TLK1: variants seen among roughly 807,000 people sequenced by gnomAD.
TLK1 encodes the protein tousled like kinase 1.
Under a neutral mutation model 105.3 loss-of-function variants are expected in TLK1, and 24 were observed. The ratio of observed to expected loss-of-function variants is 0.23; its 90% CI spans 0.17 to 0.32. The LOEUF (loss-of-function observed/expected upper bound fraction) is 0.32. Among genes scored for constraint, TLK1 ranks in the 10% least tolerant of loss-of-function variants. The probability of loss-of-function intolerance (pLI) is 1.00; values close to 1 mark genes in which losing one functional copy is unlikely to be tolerated. For missense variants in TLK1, 558 were observed against 910.5 expected (o/e 0.61, Z 4.98); for synonymous variants, 321 against 310.4 (o/e 1.03, Z -0.36).
At chr2:171,164,941 T>G (rs1286071283), upstream of TLK1, among the ~76,000 whole-genome samples, 3 of 151,912 alleles carry the variant, frequency 2.0e-5, no homozygotes, top group East Asian at 5.8e-4. Flanking sequence ...GGCAACAGAG[T>G]GAGACCCCAC....
chr2:171,048,068 C>T (rs772741731), intron 10 of TLK1, among the ~76,000 whole-genome samples: 23 of 152,202 alleles, frequency 1.5e-4, no homozygotes, highest in Non-Finnish European at 2.5e-4. Context: ...CGTGCCTCAG[C>T]CTCCCGAGTA....
chr2:171,126,797 G>C (rs1467936074), intron 1 of TLK1, among the ~76,000 whole-genome samples: 4 of 151,330 alleles, frequency 2.6e-5, no homozygotes, highest in African/African-American at 9.7e-5. Context: ...CTGATTTATA[G>C]AGAACAGTTA....
chr2:171,155,628 T>C (rs1256814384), intron 1 of TLK1: 1 of 152,196 alleles, frequency 6.6e-6, no homozygotes, highest in East Asian at 1.9e-4. Context: ...ACTAATCCAA[T>C]AGCACTCATC....
At chr2:171,034,727 G>C (rs1407166323) in intron 11 of TLK1, among the ~76,000 whole-genome samples, 1 of 152,040 alleles carries the variant, frequency 6.6e-6, no homozygotes, top group African/African-American at 2.4e-5. Flanking sequence ...ATGGTTATTC[G>C]TATGTTACAT....
chr2:171,221,585 G>A (rs534467501), intron 1 of TLK1, among the ~76,000 whole-genome samples: 2 of 152,086 alleles, frequency 1.3e-5, no homozygotes, highest in Non-Finnish European at 2.9e-5. Context: ...CTTCCTCTTC[G>A]TGGCTGATGC....
chr2:171,051,903 T>C (rs1423504231), intron 8 of TLK1, among the ~76,000 whole-genome samples: 3 of 152,128 alleles, frequency 2.0e-5, no homozygotes, highest in Admixed American at 6.5e-5. Context: ...TGGTTATCCA[T>C]ATAGAAAGAA....
intron 11 of TLK1, among the ~76,000 whole-genome samples, chr2:171,044,484 C>A (rs1558903908): frequency 6.6e-6 from 1 of 152,056 alleles, no homozygotes; most frequent in Non-Finnish European, 1.5e-5. Flanking sequence ...ATTAGAAGTT[C>A]CTGTGAGACA....
chr2:171,187,533 AATGTCAG>A (rs1362987019), intron 1 of TLK1, among the ~76,000 whole-genome samples: 1 of 152,218 alleles, frequency 6.6e-6, no homozygotes, highest in Non-Finnish European at 1.5e-5. Flanking sequence ...TTAAGGGAAG[AATGTCAG>A]ATGCCATGAG....
intron 1 of TLK1, among the ~76,000 whole-genome samples, chr2:171,171,675 CACAAAAAAGAATAACCAAAT>C (rs1427999721): frequency 2.6e-5 from 4 of 151,522 alleles, no homozygotes; most frequent in Non-Finnish European, 5.9e-5. Context: ...ACAGTTGCTT[CACAAAAAAGAATAACCAAAT>C]GCAAAAAAAA....
chr2:171,206,776 A>G (rs1473909848), intron 1 of TLK1, among the ~76,000 whole-genome samples: 1 of 152,260 alleles, frequency 6.6e-6, no homozygotes, highest in African/African-American at 2.4e-5. Context: ...AGATCTACAG[A>G]TGGCAAATAA....
intron 2 of TLK1, among the ~76,000 whole-genome samples, chr2:171,101,857 A>G (rs772000645): frequency 2.6e-5 from 4 of 152,244 alleles, no homozygotes; most frequent in Non-Finnish European, 4.4e-5. Context: ...ACACAGGCAC[A>G]TAAGAGGAAT....
chr2:171,151,508 T>C (rs1692035857), intron 1 of TLK1, among the ~76,000 whole-genome samples: 1 of 145,996 alleles, frequency 6.8e-6, no homozygotes, highest in Non-Finnish European at 1.5e-5. Context: ...GGAGTCTTGC[T>C]CTGTCGCCCA....
intron 10 of TLK1, among the ~76,000 whole-genome samples, chr2:171,049,445 T>C (rs978325633): frequency 5.3e-5 from 8 of 152,002 alleles, no homozygotes; most frequent in African/African-American, 1.4e-4. Flanking sequence ...CATGTAAGGA[T>C]TGGGGAATGG....
At chr2:171,113,934 A>C (rs998124834) in intron 2 of TLK1, among the ~76,000 whole-genome samples, 1 of 152,202 alleles carries the variant, frequency 6.6e-6, no homozygotes, top group African/African-American at 2.4e-5. Flanking sequence ...AACTATTTGT[A>C]AAGACTGATA....
intron 1 of TLK1, among the ~76,000 whole-genome samples, chr2:171,182,123 T>G (rs961295722): frequency 6.6e-6 from 1 of 152,186 alleles, no homozygotes; most frequent in African/African-American, 2.4e-5. Flanking sequence ...TAGGGCCATA[T>G]GGAAATCACA....
At chr2:171,207,579 TGG>T (rs1222604053) in intron 1 of TLK1, among the ~76,000 whole-genome samples, 1 of 152,102 alleles carries the variant, frequency 6.6e-6, no homozygotes, top group Non-Finnish European at 1.5e-5. Flanking sequence ...CACTGTGGTG[TGG>T]GATGTTGACA....
chr2:171,179,189 T>A (rs1212502767), intron 1 of TLK1, among the ~76,000 whole-genome samples: 1 of 152,240 alleles, frequency 6.6e-6, no homozygotes, highest in African/African-American at 2.4e-5. Context: ...GTGATTGATT[T>A]ATTCATTTCC....
intron 1 of TLK1, among the ~76,000 whole-genome samples, chr2:171,220,261 T>C (rs1300878929): frequency 2.6e-5 from 4 of 152,174 alleles, no homozygotes; most frequent in African/African-American, 9.7e-5. Flanking sequence ...CTCCCAAAGA[T>C]GTGTACTACA....
chr2:171,048,289 G>C (rs1687057016), intron 10 of TLK1, among the ~76,000 whole-genome samples: 1 of 152,186 alleles, frequency 6.6e-6, no homozygotes, highest in Non-Finnish European at 1.5e-5. Context: ...GGAACTACTA[G>C]TAGAATTTAT....
Sources: allele counts gnomAD v4.1 joint callset (sites outside exome capture counted in the v4.1 genomes callset), GRCh38; gene constraint gnomAD v4.1.1; transcripts MANE v1.5; gene names NCBI Gene and HGNC (gene_info 2026-07-23, HGNC 2026-07-21).